Variants in ZNF704 observed in about 807,000 individuals in gnomAD.
ZNF704 encodes the protein glucocorticoid induced gene 1.
Under a neutral mutation model 44.7 loss-of-function variants are expected in ZNF704, and 10 were observed. That is an observed-to-expected ratio of 0.22 (90% CI 0.14 to 0.38). The LOEUF is 0.38. Among genes scored for constraint, ZNF704 ranks in the 10% least tolerant of loss-of-function variants. The probability of loss-of-function intolerance (pLI) is 1.00; values close to 1 mark genes in which losing one functional copy is unlikely to be tolerated. For missense variants in ZNF704, 390 were observed against 545.5 expected, an observed-to-expected ratio of 0.71 and a Z score of 2.84; for synonymous variants, 211 against 207.6, an observed-to-expected ratio of 1.02 and a Z score of -0.14.
chr8:80,761,834 T>C (rs1412797494), intron 2 of ZNF704, among the ~76,000 whole-genome samples: 2 of 152,226 alleles, frequency 1.3e-5, no homozygotes, highest in Admixed American at 6.5e-5. Flanking sequence ...CTGTGGTTGG[T>C]AATTGTGTAC....
chr8:80,754,039 G>A (rs1026318281), intron 2 of ZNF704, among the ~76,000 whole-genome samples: 13 of 152,106 alleles, frequency 8.5e-5, no homozygotes, highest in Non-Finnish European at 1.9e-4. Flanking sequence ...ACTTGGCTTC[G>A]AACTGTGGAA....
intron 1 of ZNF704, among the ~76,000 whole-genome samples, chr8:80,837,084 T>C (rs1018834468): frequency 6.6e-6 from 1 of 152,004 alleles, no homozygotes; most frequent in African/African-American, 2.4e-5. Context: ...GACCTACTCA[T>C]AAAAGTCTAA....
intron 1 of ZNF704, among the ~76,000 whole-genome samples, chr8:80,833,301 G>T (rs1172149178): frequency 6.6e-6 from 1 of 152,162 alleles, no homozygotes; most frequent in Non-Finnish European, 1.5e-5. Context: ...AGTAAGCCAA[G>T]ATTGTGCCAC....
intron 4 of ZNF704, 81 bp from the exon 5 acceptor site, chr8:80,670,684 T>G (rs969838585): frequency 1.9e-6 from 2 of 1,039,508 alleles, no homozygotes; most frequent in Admixed American, 1.9e-5. Flanking sequence ...CATATTTTTT[T>G]CCTTCATTAG....
intron 8 of ZNF704, among the ~76,000 whole-genome samples, chr8:80,642,490 G>A (rs879556223): frequency 1.2e-4 from 19 of 152,296 alleles, no homozygotes; most frequent in African/African-American, 3.6e-4. Context: ...AACATACATC[G>A]CAGGCAGGAC....
chr8:80,758,340 G>A (rs546025311), intron 2 of ZNF704, among the ~76,000 whole-genome samples: 1 of 152,290 alleles, frequency 6.6e-6, no homozygotes, highest in African/African-American at 2.4e-5. Flanking sequence ...GACTGATGAA[G>A]TGTGGGAAGC....
At chr8:80,872,607 T>G (rs964114857) in intron 1 of ZNF704, among the ~76,000 whole-genome samples, 5 of 152,226 alleles carry the variant, frequency 3.3e-5, no homozygotes, top group Non-Finnish European at 7.3e-5. Flanking sequence ...GCTTACCACT[T>G]GCTGCCCTCA....
Position 80,635,484 on chromosome 8 carries a change from G to A in ZNF704, c.*5882C>T, listed in dbSNP as rs776683192. 2.0e-5 allele frequency: 3 copies of A among 151,998 alleles called. No homozygotes were observed. Among genetic ancestry groups the A allele is most frequent in the Non-Finnish European group, 2.9e-5 (2 of 67,988 alleles). 9.4% of individuals were successfully genotyped at this position (151,998 alleles called of 1,614,324 possible). On this transcript the variant is annotated 3_prime_UTR_variant, in exon 9 of 9. Coordinates refer to ENST00000327835, the MANE Select transcript of ZNF704 (RefSeq NM_001033723.3). The stretch of plus-strand genomic sequence containing the variant: ...TTACAGTTATATAGTTAGTGCTGAG[G>A]ACAAAATTATTTTAAACACTACTGA...
chr8:80,711,996 C>G (rs1278582853), intron 2 of ZNF704, among the ~76,000 whole-genome samples: 1 of 152,198 alleles, frequency 6.6e-6, no homozygotes. Flanking sequence ...AACAAATGCT[C>G]TGCTATGGTT....
chr8:80,651,191 G>A (rs1435850905), intron 7 of ZNF704, among the ~76,000 whole-genome samples: 3 of 151,718 alleles, frequency 2.0e-5, no homozygotes, highest in Non-Finnish European at 2.9e-5. Flanking sequence ...AGGAACAACT[G>A]GTACCAGCCA....
chr8:80,677,939 C>T (rs1316812835), intron 4 of ZNF704, among the ~76,000 whole-genome samples: 1 of 152,204 alleles, frequency 6.6e-6, no homozygotes, highest in Non-Finnish European at 1.5e-5. Context: ...GCTTATCCTA[C>T]CTGGCTGTAA....
chr8:80,767,688 C>T (rs1385678741), intron 2 of ZNF704, among the ~76,000 whole-genome samples: 3 of 152,110 alleles, frequency 2.0e-5, no homozygotes, highest in Non-Finnish European at 4.4e-5. Flanking sequence ...AGCTACAATC[C>T]AATACTCCAA....
At chr8:80,649,072 A>C (rs1240971814) in intron 7 of ZNF704, among the ~76,000 whole-genome samples, 1 of 152,246 alleles carries the variant, frequency 6.6e-6, no homozygotes. Context: ...TTTATAAAGC[A>C]TATAATGTGC....
At chr8:80,871,552 T>G (rs1472131014) in intron 1 of ZNF704, among the ~76,000 whole-genome samples, 1 of 152,226 alleles carries the variant, frequency 6.6e-6, no homozygotes. Context: ...TTATTCTTGC[T>G]TATGCATGTA....
chr8:80,821,730 T>C (rs1056254359), intron 1 of ZNF704, 115 bp from the exon 2 acceptor site: 25 of 744,980 alleles, frequency 3.4e-5, no homozygotes, highest in African/African-American at 1.1e-4. Flanking sequence ...ATCTGAAAGA[T>C]TGTATAATTT....
intron 3 of ZNF704, among the ~76,000 whole-genome samples, chr8:80,689,329 T>G (rs1193299921): frequency 6.6e-6 from 1 of 152,178 alleles, no homozygotes; most frequent in Non-Finnish European, 1.5e-5. Context: ...AAGCTTTAAG[T>G]TGAAATAGGA....
At chr8:80,829,876 A>G (rs1326936943) in intron 1 of ZNF704, among the ~76,000 whole-genome samples, 1 of 152,180 alleles carries the variant, frequency 6.6e-6, no homozygotes, top group Non-Finnish European at 1.5e-5. Context: ...AAAATGATCA[A>G]AAAGGACCAA....
chr8:80,791,118 GA>G (rs1358680239), intron 2 of ZNF704, among the ~76,000 whole-genome samples: 17 of 152,268 alleles, frequency 1.1e-4, no homozygotes, highest in African/African-American at 4.1e-4. Context: ...AGCTTATCAA[GA>G]GTAAGAAAAT....
intron 2 of ZNF704, among the ~76,000 whole-genome samples, chr8:80,803,892 A>G (rs1421309133): frequency 1.3e-5 from 2 of 152,204 alleles, no homozygotes; most frequent in African/African-American, 4.8e-5. Flanking sequence ...CAGAGTGAAC[A>G]CACAACCTAC....
Sources: allele counts gnomAD v4.1 joint callset (sites outside exome capture counted in the v4.1 genomes callset), GRCh38; gene constraint gnomAD v4.1.1; transcripts MANE v1.5; gene names NCBI Gene and HGNC (gene_info 2026-07-23, HGNC 2026-07-21).